PAPPA: variants seen among roughly 807,000 people sequenced by gnomAD.
The protein encoded by PAPPA is pappalysin-1.
Under a neutral mutation model 164.0 loss-of-function variants are expected in PAPPA, and 60 were observed. That is an observed-to-expected ratio of 0.37 (90% CI 0.30 to 0.45). The LOEUF (loss-of-function observed/expected upper bound fraction) is 0.45, where lower values mean the gene tolerates loss of function less well. Ranked by LOEUF, PAPPA falls within the 20% of genes least tolerant of loss-of-function variation. The probability of loss-of-function intolerance (pLI) is 1.00; values close to 1 mark genes in which losing one functional copy is unlikely to be tolerated. For synonymous variants in PAPPA, 875 were observed against 814.1 expected, an observed-to-expected ratio of 1.07 and a Z score of -1.27; for missense variants, 1,782 against 2,087.3, an observed-to-expected ratio of 0.85 and a Z score of 2.85.
chr9:116,325,336 G>T (rs940242830), intron 10 of PAPPA, among the ~76,000 whole-genome samples: 1 of 152,100 alleles, frequency 6.6e-6, no homozygotes, highest in Non-Finnish European at 1.5e-5. Flanking sequence ...ACCCTTGGTG[G>T]ATATTATGAC....
At chr9:116,222,030 G>A (rs1307703700) in intron 5 of PAPPA, among the ~76,000 whole-genome samples, 1 of 152,160 alleles carries the variant, frequency 6.6e-6, no homozygotes, top group Non-Finnish European at 1.5e-5. Context: ...GGGAATGTAG[G>A]TTAATATAGC....
At chr9:116,388,905 G>A (rs1182783124) in intron 21 of PAPPA, among the ~76,000 whole-genome samples, 1 of 152,194 alleles carries the variant, frequency 6.6e-6, no homozygotes, top group Non-Finnish European at 1.5e-5. Context: ...TGAGAACATG[G>A]TTTCTTAAGA....
At chr9:116,309,061 G>T (rs1845682741) in intron 10 of PAPPA, among the ~76,000 whole-genome samples, 2 of 151,900 alleles carry the variant, frequency 1.3e-5, no homozygotes, top group South Asian at 4.2e-4. Context: ...ATTGTAAGAT[G>T]TGCATATTTT....
intron 9 of PAPPA, among the ~76,000 whole-genome samples, chr9:116,274,325 T>C (rs2118831065): frequency 6.6e-6 from 1 of 152,328 alleles, no homozygotes; most frequent in Middle Eastern, 3.4e-3. Context: ...CTCACAGAGA[T>C]ACAGGCATCC....
At chr9:116,277,691 T>C (rs1845216644) in intron 9 of PAPPA, among the ~76,000 whole-genome samples, 1 of 152,206 alleles carries the variant, frequency 6.6e-6, no homozygotes, top group African/African-American at 2.4e-5. Flanking sequence ...AATTTTTTAT[T>C]TTTTGAGACA....
At chr9:116,369,305 T>C (rs543222343) in intron 19 of PAPPA, among the ~76,000 whole-genome samples, 3 of 152,128 alleles carry the variant, frequency 2.0e-5, no homozygotes, top group Non-Finnish European at 4.4e-5. Flanking sequence ...TATGCTCATA[T>C]ACCCAGGCAT....
chr9:116,225,292 T>C (rs1460443393), intron 5 of PAPPA, among the ~76,000 whole-genome samples: 1 of 152,238 alleles, frequency 6.6e-6, no homozygotes, highest in Non-Finnish European at 1.5e-5. Context: ...AGGAAGCCTT[T>C]CTCTCCACTC....
rs1375093043 is a variant in PAPPA at position 116,188,118 on chromosome 9, C to T, written c.1380C>T (p.Asp460=). Residue 460 remains aspartate (D), a synonymous_variant, in exon 2 of 22, where the codon GAC becomes GAT. Coordinates refer to ENST00000328252, the MANE Select transcript of PAPPA (RefSeq NM_002581.5). ...KKQHNGVCDM[D]CNYERFNFDG... ...AGCACAACGGGGTGTGTGACATGGA[C>T]TGCAACTATGAACGGTTCAACTTTG... 4.3e-6 allele frequency: 7 copies of T among 1,614,242 alleles called. No individual in the cohort carries two copies. In the South Asian group the frequency reaches 7.7e-5, roughly 18 times the overall value.
chr9:116,341,893 T>C (rs926520181), intron 13 of PAPPA, among the ~76,000 whole-genome samples: 1 of 152,224 alleles, frequency 6.6e-6, no homozygotes, highest in Admixed American at 6.5e-5. Flanking sequence ...AGACAACTGA[T>C]AAATGGCAGA....
intron 2 of PAPPA, 44 bp from the exon 3 acceptor site, chr9:116,207,412 T>TAAA: frequency 3.2e-6 from 5 of 1,571,088 alleles, no homozygotes; most frequent in South Asian, 1.2e-5. Context: ...GCCTGTTATC[T>TAAA]TTTTGGGGGC....
intron 7 of PAPPA, among the ~76,000 whole-genome samples, chr9:116,239,736 T>C (rs1844714161): frequency 1.3e-5 from 2 of 152,152 alleles, no homozygotes; most frequent in African/African-American, 2.4e-5. Flanking sequence ...TAATTCCAAA[T>C]TCCACCTTCC....
At chr9:116,333,405 G>A (rs1464371665) in intron 12 of PAPPA, among the ~76,000 whole-genome samples, 1 of 152,128 alleles carries the variant, frequency 6.6e-6, no homozygotes, top group East Asian at 1.9e-4. Context: ...CACACTTCCA[G>A]TCTACCCTGG....
chr9:116,300,046 T>C (rs1845560022), intron 9 of PAPPA, among the ~76,000 whole-genome samples: 2 of 152,066 alleles, frequency 1.3e-5, no homozygotes, highest in African/African-American at 4.8e-5. Context: ...TTCTGAAGAG[T>C]AAAGTCTGGA....
At chr9:116,315,681 A>C (rs1324998718) in intron 10 of PAPPA, among the ~76,000 whole-genome samples, 2 of 152,086 alleles carry the variant, frequency 1.3e-5, no homozygotes, top group Non-Finnish European at 2.9e-5. Flanking sequence ...ACCTTCAGAG[A>C]GATCTCCCAA....
chr9:116,184,660 G>A (rs1003317871), intron 1 of PAPPA, among the ~76,000 whole-genome samples: 11 of 152,108 alleles, frequency 7.2e-5, no homozygotes, highest in South Asian at 2.1e-4. Flanking sequence ...TGCCCCATAC[G>A]TACAACTAGT....
chr9:116,261,322 A>G (rs556204185), intron 7 of PAPPA, among the ~76,000 whole-genome samples: 3 of 152,352 alleles, frequency 2.0e-5, no homozygotes, highest in Non-Finnish European at 2.9e-5. Flanking sequence ...TATAGAAACA[A>G]TAGGATCAAT....
In PAPPA at chr9:116,352,791, C is replaced by G. The variant is rs773605346; in HGVS notation, c.4050C>G (p.Pro1350=). Residue 1350 remains proline, a synonymous_variant, in exon 16 of 22, where the codon CCC becomes CCG. Transcript: ENST00000328252. ...ALCELMCLAP[P]PVPNADLQTA... ...GTGAGCTCATGTGCCTCGCTCCACC[C>G]CCTGTGCCCAATGCAGACCTCCAGA... 1.2e-6 allele frequency: 2 copies of G among 1,613,904 alleles called. No individual in the cohort carries two copies. The highest frequency in any genetic ancestry group is 2.7e-5 in the African/African-American group (2 of 74,920).
chr9:116,291,263 C>T (rs1845432172), intron 9 of PAPPA, among the ~76,000 whole-genome samples: 1 of 152,126 alleles, frequency 6.6e-6, no homozygotes, highest in South Asian at 2.1e-4. Context: ...TCCAGATATT[C>T]CATTTCTTTT....
chr9:116,187,960 C>A lies in PAPPA; in HGVS notation c.1222C>A (p.Arg408Ser), dbSNP rs763940414. The A allele has an allele frequency of 6.2e-7, 1 of 1,614,192 alleles. No homozygotes were observed. The highest frequency in any genetic ancestry group is 8.5e-7 in the Non-Finnish European group (1 of 1,180,050). Residue 408 changes from arginine (R) to serine (S), a missense_variant, in exon 2 of 22, where the codon CGC becomes AGC. This residue lies in a region of PAPPA where 1,324 missense variants were observed against 1,656.9 expected (regional missense o/e 0.80). Coordinates refer to ENST00000328252, the MANE Select transcript of PAPPA (RefSeq NM_002581.5). The surrounding 1 kb of genome is among the most constrained non-coding windows in gnomAD (Gnocchi z 4.2). ...LEVSNSSLRRRLILANCDISK... is the reference protein window; with the variant it reads ...LEVSNSSLRRSLILANCDISK... ...GGTGAGCAACTCCTCCCTTCGCCGC[C>A]GCCTCATCCTGGCCAACTGTGACAT...
Sources: gnomAD v4.1 joint callset for allele counts (sites outside exome capture counted in the v4.1 genomes callset) on GRCh38, gnomAD v4.1.1 for gene constraint, gnomAD v4.1.1 regional missense constraint, Gnocchi (gnomAD v3.1) non-coding constraint, MANE v1.5 for transcripts, NCBI Gene and HGNC (gene_info 2026-07-23, HGNC 2026-07-21) for gene names.